The following KNTC1 variants were observed in gnomAD, a reference collection of about 807,000 sequenced individuals.
KNTC1 encodes the protein kinetochore-associated protein 1.
Under a neutral mutation model 314.4 loss-of-function variants are expected in KNTC1, and 253 were observed. The observed-to-expected ratio is 0.80, with a 90% confidence interval of 0.73 to 0.89. The LOEUF (loss-of-function observed/expected upper bound fraction) is 0.89, where lower values mean the gene tolerates loss of function less well. Ranked by LOEUF, KNTC1 falls within the 40% of genes least tolerant of loss-of-function variation. The pLI, the probability that KNTC1 is intolerant of heterozygous loss-of-function variation, is 0.00. For synonymous variants in KNTC1, 901 were observed against 901.4 expected (o/e 1.00, Z 0.01); for missense variants, 2,475 against 2,572.9 (o/e 0.96, Z 0.82).
chr12:122,624,361 T>C (rs1429515854), intron 62 of KNTC1, among the ~76,000 whole-genome samples: 3 of 152,108 alleles, frequency 2.0e-5, no homozygotes, highest in Non-Finnish European at 4.4e-5. Context: ...CCCAACCTCC[T>C]GGGTTCAAGC....
chr12:122,551,312 A>G lies in KNTC1; in HGVS notation c.1087-7A>G. 6.5e-7 allele frequency: 1 copy of G among 1,528,914 alleles called. No homozygotes were observed. Among genetic ancestry groups the G allele is most frequent in the Non-Finnish European group, 9.0e-7 (1 of 1,114,384 alleles). 94.7% of individuals were successfully genotyped at this position (1,528,914 alleles called of 1,614,324 possible). ...GGAATTTTAATCATGTTTTTTTGTT[A>G]TTGTAGGATACCATATACCTTTTAG... On this transcript the variant is annotated splice_region_variant and splice_polypyrimidine_tract_variant and intron_variant, in intron 13 of 63. Coordinates refer to ENST00000333479, the MANE Select transcript of KNTC1 (RefSeq NM_014708.6).
chr12:122,562,026 T>C, intron 19 of KNTC1, 52 bp downstream of exon 19: 1 of 1,529,388 alleles, frequency 6.5e-7, no homozygotes, highest in South Asian at 1.2e-5. Context: ...ACCTTTATAA[T>C]ATGTTTTCCA....
intron 43 of KNTC1, 124 bp from the exon 44 acceptor site, chr12:122,597,607 G>A (rs1027665288): frequency 1.3e-6 from 1 of 773,622 alleles, no homozygotes; most frequent in African/African-American, 1.7e-5. Context: ...GTCTGATTTT[G>A]AGACTGGACA....
chr12:122,576,163 G>T (rs1264185604), intron 29 of KNTC1, among the ~76,000 whole-genome samples: 1 of 152,116 alleles, frequency 6.6e-6, no homozygotes, highest in East Asian at 1.9e-4. Context: ...GGGTTCAAGT[G>T]ATTTTCCTGC....
At chr12:122,578,412 G>T (rs1184925252) in intron 31 of KNTC1, among the ~76,000 whole-genome samples, 1 of 147,906 alleles carries the variant, frequency 6.8e-6, no homozygotes, top group Admixed American at 6.8e-5. Context: ...CAATAGTTGG[G>T]TTTTTTTTTT....
chr12:122,601,427 A>C, intron 44 of KNTC1, 109 bp from the exon 45 acceptor site: 2 of 965,186 alleles, frequency 2.1e-6, no homozygotes, highest in South Asian at 1.7e-5. Flanking sequence ...TTAACAATGT[A>C]GTGCAGTGAC....
Position 122,604,917 on chromosome 12 carries a change from T to C in KNTC1, c.5216T>C (p.Leu1739Pro). The C allele has an allele frequency of 6.2e-7, 1 of 1,609,792 alleles. No individual in the cohort carries two copies. Among genetic ancestry groups the C allele is most frequent in the Non-Finnish European group, 8.5e-7 (1 of 1,177,964 alleles). The change falls in exon 50 of 64, where the codon CTT becomes CCT. Residue 1739 changes from leucine to proline, a missense_variant. Transcript: ENST00000333479. ...REKAEALLKK[L>P]HIQYRRSGTE... ...AAAGCCGAGGCTTTGTTGAAGAAGC[T>C]TCATATCCAGTACCGGCGATCGGGC...
chr12:122,570,988 A>G (rs1167294180), intron 23 of KNTC1, 37 bp from the exon 24 acceptor site: 2 of 1,603,228 alleles, frequency 1.2e-6, no homozygotes, highest in Non-Finnish European at 1.7e-6. Flanking sequence ...CAACAGCATA[A>G]AACATTGTTT....
In KNTC1 at chr12:122,547,547, G is replaced by A; in HGVS notation, c.932+17G>A. The A allele has an allele frequency of 7.0e-7, 1 of 1,419,432 alleles. No individual in the cohort carries two copies. 87.9% of individuals were successfully genotyped at this position (1,419,432 alleles called of 1,614,324 possible). On this transcript the variant is annotated intron_variant, in intron 11 of 63. Coordinates refer to ENST00000333479, the MANE Select transcript of KNTC1 (RefSeq NM_014708.6). ...AGTCACGTGGTATGTTATGACTATG[G>A]CTAGTAGTCATTTCCCTTCTGTTAG...
intron 51 of KNTC1, 49 bp from the exon 52 acceptor site, chr12:122,609,335 A>T: frequency 9.3e-7 from 1 of 1,069,926 alleles, no homozygotes; most frequent in Non-Finnish European, 1.4e-6. Context: ...ATGTTTGTTT[A>T]GTCATAAACT....
At position 122,574,266 on chromosome 12, in the gene KNTC1, G is replaced by A; in HGVS notation, c.2284-16G>A. ...TTTTTAATTTTTAAAAAACATACAT[G>A]TTTATCCCTTTTTAGGATTTACTGA... On this transcript the variant is annotated splice_polypyrimidine_tract_variant and intron_variant, in intron 26 of 63. Coordinates refer to ENST00000333479, the MANE Select transcript of KNTC1 (RefSeq NM_014708.6). 2.7e-6 allele frequency: 4 copies of A among 1,485,028 alleles called. No individual in the cohort carries two copies. The highest frequency in any genetic ancestry group is 3.7e-6 in the Non-Finnish European group (4 of 1,072,130). The allele number at this position is 1,485,028 out of a possible 1,614,324, so 92.0% of individuals were successfully genotyped here.
Position 122,530,133 on chromosome 12 carries a change from A to G in KNTC1, c.70A>G (p.Lys24Glu). ...GSGYLSVGSR[K>E]EHGTALYQVD... Reference sequence around the variant, plus strand: ...TGGGTACCTGAGTGTCGGTTCAAGAAAAGAACATGGAACTGCTTTATATCA... The same window carrying G: ...TGGGTACCTGAGTGTCGGTTCAAGAGAAGAACATGGAACTGCTTTATATCA... Residue 24 changes from lysine to glutamate, a missense_variant, in exon 2 of 64, where the codon AAA becomes GAA. Transcript: ENST00000333479. The G allele has an allele frequency of 6.2e-7, 1 of 1,613,806 alleles. No homozygotes were observed. The highest frequency in any genetic ancestry group is 1.1e-5 in the South Asian group (1 of 91,076).
intron 45 of KNTC1, 87 bp from the exon 46 acceptor site, chr12:122,602,482 A>G (rs1872054864): frequency 1.3e-6 from 1 of 784,208 alleles, no homozygotes; most frequent in Admixed American, 3.2e-5. Flanking sequence ...AGGAATGGAA[A>G]CTTTTGATGG....
At position 122,598,421 on chromosome 12, in the gene KNTC1, C is replaced by CTTT. The variant is rs11395342; in HGVS notation, c.4563+498_4563+500dup. Among the ~76,000 whole-genome samples the CTTT allele has an allele frequency of 4.2e-3, 520 of 124,238 alleles. 15 individuals carry two copies. The highest frequency in any genetic ancestry group is 0.011 in the African/African-American group (383 of 33,516). The allele number at this position is 124,238 out of a possible 152,430, so 81.5% of individuals were successfully genotyped here. A position where few individuals can be genotyped will look rare whatever the true frequency, so the allele number is the denominator to read the frequency against. On this transcript the variant is annotated intron_variant, in intron 44 of 63. Coordinates refer to ENST00000333479, the MANE Select transcript of KNTC1 (RefSeq NM_014708.6). The stretch of plus-strand genomic sequence containing the variant: ...GAAATGTCTTTTTTCTTTTTCTTTT[C>CTTT]TTTTTTTTTTTTTTTTTGAGACAAG...
At chr12:122,591,498 G>A (rs532507943) in intron 42 of KNTC1, 45 bp downstream of exon 42, 27 of 1,010,408 alleles carry the variant, frequency 2.7e-5, no homozygotes, top group Non-Finnish European at 2.5e-5. Flanking sequence ...TTAATTACCC[G>A]GTTGGAAAAT....
intron 24 of KNTC1, among the ~76,000 whole-genome samples, chr12:122,571,419 G>A (rs986589983): frequency 6.6e-6 from 1 of 151,868 alleles, no homozygotes; most frequent in Non-Finnish European, 1.5e-5. Flanking sequence ...GAATGCAGTG[G>A]TGCAACCATG....
intron 42 of KNTC1, chr12:122,592,762 G>A (rs1313448394): frequency 1.3e-5 from 2 of 152,322 alleles, no homozygotes; most frequent in African/African-American, 4.8e-5. Context: ...CAATCAGCAG[G>A]ATGTGGGTGG....
At chr12:122,580,458 C>A in intron 32 of KNTC1, 145 bp from the exon 33 acceptor site, 2 of 515,458 alleles carry the variant, frequency 3.9e-6, no homozygotes, top group Non-Finnish European at 6.9e-6. Flanking sequence ...ATCTTTTGTA[C>A]TTAGTTACTG....
chr12:122,586,265 A>G (rs1431712518), intron 37 of KNTC1, among the ~76,000 whole-genome samples: 1 of 152,074 alleles, frequency 6.6e-6, no homozygotes, highest in Non-Finnish European at 1.5e-5. Context: ...TATTTTTAGT[A>G]GAGATGGGGT....
Sources: gnomAD v4.1 joint callset for allele counts (sites outside exome capture counted in the v4.1 genomes callset) on GRCh38, gnomAD v4.1.1 for gene constraint, MANE v1.5 for transcripts, NCBI Gene and HGNC (gene_info 2026-07-23, HGNC 2026-07-21) for gene names.